KCNK9: variants seen among roughly 807,000 people sequenced by gnomAD.
KCNK9 encodes the protein potassium two pore domain channel subfamily K member 9, also known as potassium channel subfamily K member 9.
Under a neutral mutation model 10.8 loss-of-function variants are expected in KCNK9, and 1 was observed. The observed-to-expected ratio is 0.09, with a 90% CI of 0.03 to 0.44. The LOEUF (loss-of-function observed/expected upper bound fraction) is 0.44, where lower values mean the gene tolerates loss of function less well. Ranked by LOEUF, KCNK9 falls within the 20% of genes least tolerant of loss-of-function variation. The pLI is 0.97. For synonymous variants in KCNK9, 231 were observed against 222.7 expected (o/e 1.04, Z -0.33); for missense variants, 303 against 515.0 (o/e 0.59, Z 3.98).
chr8:139,620,320 T>G (rs1190670274), intron 1 of KCNK9, among the ~76,000 whole-genome samples: 1 of 152,254 alleles, frequency 6.6e-6, no homozygotes, highest in African/African-American at 2.4e-5. Context: ...GATGGGACCC[T>G]GTCACATGTT....
At chr8:139,662,719 T>C (rs1054990462) in intron 1 of KCNK9, among the ~76,000 whole-genome samples, 1 of 151,914 alleles carries the variant, frequency 6.6e-6, no homozygotes, top group Non-Finnish European at 1.5e-5. Context: ...CAACTCCATA[T>C]TTCATGAGCA....
intron 1 of KCNK9, among the ~76,000 whole-genome samples, chr8:139,628,092 C>T (rs1259642995): frequency 6.6e-6 from 1 of 152,254 alleles, no homozygotes; most frequent in African/African-American, 2.4e-5. Context: ...GGAGGCCACA[C>T]ATGCTCCAGA....
chr8:139,634,871 T>C (rs1365400815), intron 1 of KCNK9, among the ~76,000 whole-genome samples: 2 of 152,108 alleles, frequency 1.3e-5, no homozygotes, highest in African/African-American at 4.8e-5. Context: ...AGGCCCCTCC[T>C]TGGGTGTTTT....
At chr8:139,692,718 C>T (rs1586696667) in intron 1 of KCNK9, among the ~76,000 whole-genome samples, 1 of 152,174 alleles carries the variant, frequency 6.6e-6, no homozygotes, top group African/African-American at 2.4e-5. Context: ...GGGCCCTTCC[C>T]TGCAGCCCGG....
At chr8:139,682,614 G>C (rs539204133) in intron 1 of KCNK9, among the ~76,000 whole-genome samples, 3 of 152,318 alleles carry the variant, frequency 2.0e-5, no homozygotes, top group African/African-American at 4.8e-5. Context: ...GGGTAATCAA[G>C]AGCTTAGATT....
At chr8:139,601,136 C>T (rs1334914110) in exon 3 of KCNK9, 2 of 152,214 alleles carry the variant, frequency 1.3e-5, no homozygotes, top group East Asian at 1.9e-4. Context: ...CCCCACGGCA[C>T]GCAGGCTCTG....
intron 2 of KCNK9, among the ~76,000 whole-genome samples, chr8:139,604,130 C>T (rs1000001468): frequency 2.0e-5 from 3 of 152,214 alleles, no homozygotes; most frequent in African/African-American, 4.8e-5. Context: ...GCAAGAGCCT[C>T]CCTGGCTCTC....
At chr8:139,668,784 A>G (rs1048191657) in intron 1 of KCNK9, among the ~76,000 whole-genome samples, 1 of 152,146 alleles carries the variant, frequency 6.6e-6, no homozygotes, top group African/African-American at 2.4e-5. Flanking sequence ...CTTTATTGCA[A>G]TCTTCACTTT....
chr8:139,650,668 G>A (rs890645373), intron 1 of KCNK9, among the ~76,000 whole-genome samples: 23 of 152,170 alleles, frequency 1.5e-4, no homozygotes, highest in African/African-American at 2.4e-5. Context: ...GTACTGAATC[G>A]GATAGAGATG....
intron 1 of KCNK9, among the ~76,000 whole-genome samples, chr8:139,686,596 T>A (rs988796325): frequency 2.6e-5 from 4 of 152,226 alleles, no homozygotes; most frequent in African/African-American, 9.6e-5. Flanking sequence ...ATTGTTGTTG[T>A]TATCATCCTC....
At chr8:139,632,032 C>T (rs959852675) in intron 1 of KCNK9, among the ~76,000 whole-genome samples, 9 of 152,292 alleles carry the variant, frequency 5.9e-5, no homozygotes, top group African/African-American at 2.2e-4. Flanking sequence ...CAGATGAGAA[C>T]CATAAAACCC....
intron 1 of KCNK9, among the ~76,000 whole-genome samples, chr8:139,670,677 T>C (rs1164532571): frequency 1.3e-5 from 2 of 152,182 alleles, no homozygotes; most frequent in African/African-American, 2.4e-5. Context: ...AGGAAGAATA[T>C]GGACCAACAA....
At chr8:139,692,441 C>T (rs999738486) in intron 1 of KCNK9, among the ~76,000 whole-genome samples, 2 of 152,288 alleles carry the variant, frequency 1.3e-5, no homozygotes, top group Non-Finnish European at 2.9e-5. Flanking sequence ...AACACTCTGC[C>T]GTTGCTTGCC....
At chr8:139,609,111 A>ATCCCG (rs1554617333), downstream of KCNK9, among the ~76,000 whole-genome samples, 2 of 67,224 alleles carry the variant, frequency 3.0e-5, no homozygotes, top group Admixed American at 1.4e-4. Flanking sequence ...ATCCCACCCC[A>ATCCCG]CCCCGCCCCG....
chr8:139,665,180 A>T (rs1266442196), intron 1 of KCNK9, among the ~76,000 whole-genome samples: 2 of 152,172 alleles, frequency 1.3e-5, no homozygotes, highest in Non-Finnish European at 2.9e-5. Flanking sequence ...GCTAAAAATC[A>T]AGGGGTCGCA....
intron 1 of KCNK9, among the ~76,000 whole-genome samples, chr8:139,635,883 A>G (rs1815323338): frequency 6.6e-6 from 1 of 152,082 alleles, no homozygotes; most frequent in Admixed American, 6.5e-5. Context: ...CTTTTTTTCT[A>G]CTTATCAGAA....
chr8:139,672,719 G>T (rs901726238), intron 1 of KCNK9, among the ~76,000 whole-genome samples: 3 of 152,326 alleles, frequency 2.0e-5, no homozygotes, highest in East Asian at 3.9e-4. Flanking sequence ...GCCAAGAACT[G>T]GGTCTCCAGT....
At chr8:139,656,158 G>A (rs1463330344) in intron 1 of KCNK9, among the ~76,000 whole-genome samples, 1 of 152,178 alleles carries the variant, frequency 6.6e-6, no homozygotes, top group Non-Finnish European at 1.5e-5. Flanking sequence ...GCCCCCAGGT[G>A]CAGGTAAATA....
At chr8:139,648,093 G>A (rs748345552) in intron 1 of KCNK9, among the ~76,000 whole-genome samples, 1 of 152,204 alleles carries the variant, frequency 6.6e-6, no homozygotes, top group African/African-American at 2.4e-5. Context: ...TCATAAAAAG[G>A]AAAGAGGTAC....
Sources: gnomAD v4.1 joint callset for allele counts (sites outside exome capture counted in the v4.1 genomes callset) on GRCh38, gnomAD v4.1.1 for gene constraint, MANE v1.5 for transcripts, NCBI Gene and HGNC (gene_info 2026-07-23, HGNC 2026-07-21) for gene names.